Variants in R3HCC1L observed in about 807,000 individuals in gnomAD.
The protein encoded by R3HCC1L is coiled-coil domain-containing protein R3HCC1L.
A neutral mutation model predicts 59.9 loss-of-function variants in R3HCC1L; 51 were observed. The observed-to-expected ratio is 0.85, with a 90% CI of 0.68 to 1.07. The LOEUF (loss-of-function observed/expected upper bound fraction) is 1.07. Ranked by LOEUF, R3HCC1L falls within the 50% of genes least tolerant of loss-of-function variation. The probability of loss-of-function intolerance (pLI) is 0.00; values close to 1 mark genes in which losing one functional copy is unlikely to be tolerated. For synonymous variants in R3HCC1L, 322 were observed against 315.2 expected (o/e 1.02, Z -0.23); for missense variants, 965 against 933.0 (o/e 1.03, Z -0.45).
At chr10:98,145,957 AAAG>A (rs1187522236) in intron 1 of R3HCC1L, among the ~76,000 whole-genome samples, 2 of 152,236 alleles carry the variant, frequency 1.3e-5, no homozygotes, top group East Asian at 3.9e-4. Context: ...TCAAAAAAAA[AAAG>A]AAAACCATTT....
rs767472582 is a variant in R3HCC1L, at chr10:98,163,395, A to G, written c.-17A>G. 5.2e-6 allele frequency: 7 copies of G among 1,335,628 alleles called. No homozygotes were observed. Among genetic ancestry groups the G allele is most frequent in the South Asian group, 3.8e-5 (2 of 52,782 alleles). 82.7% of individuals were successfully genotyped at this position (1,335,628 alleles called of 1,614,324 possible). ...TACTAAGAAAATAAATGTTACTTAC[A>G]TGGTAAGTTGCCTTTACTTATGCAT... On this transcript the variant is annotated splice_region_variant and 5_prime_UTR_variant, in exon 4 of 10. An upstream start codon of the reference 5' UTR is lost. Coordinates refer to ENST00000298999, the MANE Select transcript of R3HCC1L (RefSeq NM_001351015.2).
At chr10:98,173,654 A>G (rs141367687) in intron 4 of R3HCC1L, among the ~76,000 whole-genome samples, 17 of 152,220 alleles carry the variant, frequency 1.1e-4, no homozygotes, top group African/African-American at 4.1e-4. Flanking sequence ...GCTGTGATAA[A>G]TACCCCTAAG....
At chr10:98,203,693 G>C (rs1015192976) in intron 4 of R3HCC1L, among the ~76,000 whole-genome samples, 6 of 152,172 alleles carry the variant, frequency 3.9e-5, no homozygotes, top group Non-Finnish European at 7.3e-5. Context: ...ATGTTCTGTT[G>C]TGAAAATATG....
At chr10:98,217,588 T>A (rs111227254) in intron 5 of R3HCC1L, among the ~76,000 whole-genome samples, 2 of 152,188 alleles carry the variant, frequency 1.3e-5, no homozygotes, top group African/African-American at 4.8e-5. Flanking sequence ...TTGCATTGAA[T>A]CTTTAGATTG....
At chr10:98,157,376 T>G (rs1307978775) in intron 2 of R3HCC1L, among the ~76,000 whole-genome samples, 1 of 152,224 alleles carries the variant, frequency 6.6e-6, no homozygotes, top group Admixed American at 6.5e-5. Context: ...TCACCCAATT[T>G]TAAAGACCAC....
At chr10:98,169,146 C>T (rs529329845) in intron 4 of R3HCC1L, among the ~76,000 whole-genome samples, 1 of 152,266 alleles carries the variant, frequency 6.6e-6, no homozygotes, top group Admixed American at 6.5e-5. Context: ...TCTTATCTTA[C>T]TTGGTTTTCT....
intron 6 of R3HCC1L, 75 bp downstream of exon 6, chr10:98,231,762 C>T: frequency 7.2e-7 from 1 of 1,386,858 alleles, no homozygotes. Context: ...GAGAAATCAT[C>T]TCTTGTTTTT....
chr10:98,188,504 A>T (rs1340656250), intron 4 of R3HCC1L, among the ~76,000 whole-genome samples: 1 of 152,160 alleles, frequency 6.6e-6, no homozygotes, highest in African/African-American at 2.4e-5. Context: ...CCATTATAGG[A>T]TAGGCTCAGT....
chr10:98,189,527 A>G (rs577085044), intron 4 of R3HCC1L, among the ~76,000 whole-genome samples: 59 of 152,318 alleles, frequency 3.9e-4, no homozygotes, highest in African/African-American at 1.3e-3. Context: ...GAGAAGACCT[A>G]TAGAGTAATT....
At chr10:98,137,395 A>T (rs555272660) in intron 1 of R3HCC1L, among the ~76,000 whole-genome samples, 110 of 152,334 alleles carry the variant, frequency 7.2e-4, no homozygotes, top group African/African-American at 2.5e-3. Flanking sequence ...GTGACCATAA[A>T]TGGCTTACTA....
intron 4 of R3HCC1L, among the ~76,000 whole-genome samples, chr10:98,188,667 A>G (rs527546301): frequency 6.6e-6 from 1 of 152,232 alleles, no homozygotes; most frequent in Non-Finnish European, 1.5e-5. Context: ...TCATCTCCTA[A>G]CATTAAGTAA....
intron 4 of R3HCC1L, among the ~76,000 whole-genome samples, chr10:98,202,737 A>G (rs1459727631): frequency 6.6e-6 from 1 of 152,074 alleles, no homozygotes; most frequent in Non-Finnish European, 1.5e-5. Flanking sequence ...CTGTAGTCCC[A>G]GCTACTCACT....
chr10:98,152,842 C>G (rs1229248194), intron 1 of R3HCC1L, among the ~76,000 whole-genome samples: 1 of 151,940 alleles, frequency 6.6e-6, no homozygotes. Context: ...GGCAGCCGCC[C>G]CGTCTGGGAA....
At chr10:98,154,584 T>TGGTC (rs1202758283) in intron 1 of R3HCC1L, among the ~76,000 whole-genome samples, 1 of 151,112 alleles carries the variant, frequency 6.6e-6, no homozygotes, top group East Asian at 1.9e-4. Context: ...CATATTCCAT[T>TGGTC]GGTCAAACTT....
intron 4 of R3HCC1L, among the ~76,000 whole-genome samples, chr10:98,173,054 C>G (rs754816222): frequency 6.6e-6 from 1 of 151,914 alleles, no homozygotes; most frequent in Non-Finnish European, 1.5e-5. Flanking sequence ...AAATTTTTAC[C>G]TAGATTGTTA....
chr10:98,141,351 G>C (rs771661968), intron 1 of R3HCC1L, among the ~76,000 whole-genome samples: 6 of 152,156 alleles, frequency 3.9e-5, no homozygotes, highest in Non-Finnish European at 8.8e-5. Context: ...TATTTAAACA[G>C]GTCTGCCAAA....
intron 4 of R3HCC1L, among the ~76,000 whole-genome samples, chr10:98,177,922 T>G (rs1253132448): frequency 6.6e-6 from 1 of 152,232 alleles, no homozygotes; most frequent in Admixed American, 6.5e-5. Context: ...TTCTTGTAAA[T>G]TTGTTTAAGT....
chr10:98,225,533 G>A (rs533542560), intron 5 of R3HCC1L, among the ~76,000 whole-genome samples: 29 of 152,284 alleles, frequency 1.9e-4, no homozygotes, highest in Admixed American at 5.2e-4. Flanking sequence ...CAGTACCCTG[G>A]GGGAAATGAA....
In R3HCC1L at chr10:98,154,073, G is replaced by A. The variant is rs150543313; in HGVS notation, c.-267-2020G>A. On this transcript the variant is annotated intron_variant, in intron 1 of 9. Transcript: ENST00000298999. The stretch of plus-strand genomic sequence containing the variant: ...ATCAATATGCTTAGATCCAGAGAAC[G>A]GTTTCACATTGTTTTCACATTTTGG... Among the ~76,000 whole-genome samples the A allele has an allele frequency of 2.5e-3, 372 of 151,278 alleles. 4 individuals carry two copies. The highest frequency in any genetic ancestry group is 8.6e-3 in the African/African-American group (353 of 41,118).
Sources: allele counts gnomAD v4.1 joint callset (sites outside exome capture counted in the v4.1 genomes callset), GRCh38; gene constraint gnomAD v4.1.1; transcripts MANE v1.5; gene names NCBI Gene and HGNC (gene_info 2026-07-23, HGNC 2026-07-21).